The following SLC26A7 variants were observed in gnomAD, a reference collection of about 807,000 sequenced individuals.
SLC26A7 encodes solute carrier family 26 member 7.
A neutral mutation model predicts 82.5 loss-of-function variants in SLC26A7; 59 were observed. The ratio of observed to expected loss-of-function variants is 0.72; its 90% CI spans 0.58 to 0.89. The LOEUF is 0.89. Ranked by LOEUF, SLC26A7 falls within the 40% of genes least tolerant of loss-of-function variation. SLC26A7 has a pLI of 0.00. For synonymous variants in SLC26A7, 271 were observed against 274.3 expected (o/e 0.99, Z 0.12); for missense variants, 820 against 793.0 (o/e 1.03, Z -0.41).
At chr8:91,263,781 A>G (rs926168600) in intron 2 of SLC26A7, among the ~76,000 whole-genome samples, 1 of 152,026 alleles carries the variant, frequency 6.6e-6, no homozygotes, top group African/African-American at 2.4e-5. Context: ...AAAACTTCAC[A>G]TGTAAATATT....
chr8:91,281,925 G>A (rs1260419811), intron 2 of SLC26A7, among the ~76,000 whole-genome samples: 2 of 152,108 alleles, frequency 1.3e-5, no homozygotes, highest in African/African-American at 4.8e-5. Flanking sequence ...TACATCTTTT[G>A]TTGGTATTTG....
At chr8:91,354,903 C>CT (rs771643923) in intron 11 of SLC26A7, among the ~76,000 whole-genome samples, 89 of 151,070 alleles carry the variant, frequency 5.9e-4, no homozygotes, top group Admixed American at 9.2e-4. Context: ...TACCTTTAAT[C>CT]TTTTTTTTTA....
intron 2 of SLC26A7, among the ~76,000 whole-genome samples, chr8:91,268,166 A>G (rs948543927): frequency 6.6e-6 from 1 of 151,808 alleles, no homozygotes; most frequent in African/African-American, 2.4e-5. Flanking sequence ...GAACTAATAT[A>G]TGGTCTTTCC....
At chr8:91,351,256 A>G (rs1813706792) in intron 9 of SLC26A7, among the ~76,000 whole-genome samples, 1 of 152,134 alleles carries the variant, frequency 6.6e-6, no homozygotes, top group Non-Finnish European at 1.5e-5. Flanking sequence ...TTTCAGGTTT[A>G]GTAAAATTAA....
chr8:91,364,108 G>A (rs1037255805), intron 13 of SLC26A7, among the ~76,000 whole-genome samples: 15 of 152,202 alleles, frequency 9.9e-5, no homozygotes, highest in Admixed American at 3.3e-4. Context: ...GCTTAGGAAA[G>A]CCAATTGATT....
rs775851106 is a variant in SLC26A7 at position 91,352,888 on chromosome 8, GT to G, written c.1219-9del. ...TTATGTTGCTTCTTCTTCAACTTAC[GT>G]TTTATTTCTAGTGTGTCCTTGCAAG... On this transcript the variant is annotated splice_polypyrimidine_tract_variant and intron_variant, in intron 10 of 18. Transcript: ENST00000276609. The G allele has an allele frequency of 1.1e-4, 167 of 1,577,888 alleles. 1 individual carries two copies. The East Asian group carries it at 3.8e-3, about 36-fold the overall frequency.
chr8:91,353,134 C>A, intron 11 of SLC26A7, 138 bp downstream of exon 11: 1 of 469,532 alleles, frequency 2.1e-6, no homozygotes, highest in Non-Finnish European at 3.6e-6. Context: ...ATTTTTTTTC[C>A]AAAATCTTAA....
intron 9 of SLC26A7, chr8:91,348,375 C>T (rs1489390860): frequency 1.5e-5 from 15 of 984,936 alleles, no homozygotes; most frequent in Non-Finnish European, 1.8e-5. Flanking sequence ...CTGGTTTCTC[C>T]CTCTACTCCC....
At chr8:91,343,516 A>G (rs1586433387) in intron 9 of SLC26A7, 50 bp downstream of exon 9, 2 of 1,282,652 alleles carry the variant, frequency 1.6e-6, no homozygotes, top group East Asian at 4.7e-5. Flanking sequence ...CTTCACTCCC[A>G]TTCTAGGAGA....
At chr8:91,371,624 T>C (rs776834247) in intron 15 of SLC26A7, among the ~76,000 whole-genome samples, 1 of 152,012 alleles carries the variant, frequency 6.6e-6, no homozygotes, top group Non-Finnish European at 1.5e-5. Context: ...TAGTACATTT[T>C]CTTTATCCAG....
At chr8:91,333,609 A>G (rs551629411) in intron 5 of SLC26A7, among the ~76,000 whole-genome samples, 2 of 152,148 alleles carry the variant, frequency 1.3e-5, no homozygotes, top group Admixed American at 6.5e-5. Flanking sequence ...ACCCTAAGTC[A>G]TATACTTCAG....
intron 2 of SLC26A7, among the ~76,000 whole-genome samples, chr8:91,258,292 T>C (rs1429523767): frequency 4.6e-5 from 7 of 152,120 alleles, no homozygotes; most frequent in Non-Finnish European, 1.0e-4. Context: ...CAGCTGCCTA[T>C]TGGGCACAAT....
chr8:91,253,732 C>T (rs1299896597), intron 2 of SLC26A7, among the ~76,000 whole-genome samples: 3 of 152,206 alleles, frequency 2.0e-5, no homozygotes, highest in South Asian at 2.1e-4. Flanking sequence ...GTACTTTTTA[C>T]ATATCTCTTT....
chr8:91,316,214 G>C (rs563679757), intron 4 of SLC26A7, among the ~76,000 whole-genome samples: 14 of 152,174 alleles, frequency 9.2e-5, no homozygotes, highest in African/African-American at 3.1e-4. Context: ...TCTTGATAAA[G>C]GAGATCTCGT....
intron 4 of SLC26A7, among the ~76,000 whole-genome samples, chr8:91,300,375 T>C (rs1456935027): frequency 6.6e-6 from 1 of 152,080 alleles, no homozygotes; most frequent in Non-Finnish European, 1.5e-5. Context: ...TTTGAATTAG[T>C]TTTATTGTTC....
At chr8:91,373,183 ACTT>A (rs1050110054) in intron 15 of SLC26A7, among the ~76,000 whole-genome samples, 116 of 151,888 alleles carry the variant, frequency 7.6e-4, no homozygotes, top group African/African-American at 2.5e-3. Flanking sequence ...AGATAGTTTG[ACTT>A]CTTCTCTTCC....
chr8:91,231,722 T>C (rs1586308120), intron 2 of SLC26A7, among the ~76,000 whole-genome samples: 1 of 152,178 alleles, frequency 6.6e-6, no homozygotes, highest in East Asian at 1.9e-4. Context: ...AGGTTTGGTT[T>C]CTGATCTCCA....
chr8:91,359,993 T>C (rs1233982100), intron 11 of SLC26A7, among the ~76,000 whole-genome samples: 3 of 152,128 alleles, frequency 2.0e-5, no homozygotes, highest in Admixed American at 2.0e-4. Context: ...CCTCTTTACA[T>C]CTATTAACAG....
chr8:91,225,825 A>C (rs2130668742), intron 2 of SLC26A7, among the ~76,000 whole-genome samples: 1 of 151,826 alleles, frequency 6.6e-6, no homozygotes, highest in South Asian at 2.1e-4. Context: ...TCAGATTCCA[A>C]GGTACTGCAA....
Sources: gnomAD v4.1 joint callset for allele counts (sites outside exome capture counted in the v4.1 genomes callset) on GRCh38, gnomAD v4.1.1 for gene constraint, MANE v1.5 for transcripts, NCBI Gene and HGNC (gene_info 2026-07-23, HGNC 2026-07-21) for gene names.